NRG1: variants seen among roughly 807,000 people sequenced by gnomAD.
NRG1 encodes the protein neuregulin 1.
A neutral mutation model predicts 63.8 loss-of-function variants in NRG1; 18 were observed. That is an observed-to-expected ratio of 0.28 (90% confidence interval 0.19 to 0.42). NRG1 has a LOEUF of 0.42. Ranked by LOEUF, NRG1 falls within the 10% of genes least tolerant of loss-of-function variation. NRG1 has a pLI of 1.00. For missense variants in NRG1, 762 were observed against 814.7 expected (o/e 0.94, Z 0.79); for synonymous variants, 302 against 301.3 (o/e 1.00, Z -0.02).
At chr8:32,486,352 C>T (rs1334811636) in intron 1 of NRG1, among the ~76,000 whole-genome samples, 1 of 152,188 alleles carries the variant, frequency 6.6e-6, no homozygotes, top group African/African-American at 2.4e-5. Flanking sequence ...AAGTGTCCCT[C>T]ATAGCACAAA....
chr8:32,469,850 A>G (rs1387236506), intron 1 of NRG1, among the ~76,000 whole-genome samples: 1 of 152,000 alleles, frequency 6.6e-6, no homozygotes, highest in African/African-American at 2.4e-5. Context: ...GGTGTGGGAA[A>G]AGGACTTTTT....
chr8:31,714,885 G>T (rs1164936316), intron 1 of NRG1, among the ~76,000 whole-genome samples: 2 of 152,100 alleles, frequency 1.3e-5, no homozygotes, highest in Non-Finnish European at 2.9e-5. Flanking sequence ...GTTCTACCAT[G>T]AATAGGCTAA....
chr8:32,633,506 C>G (rs997781974), intron 5 of NRG1, among the ~76,000 whole-genome samples: 20 of 152,138 alleles, frequency 1.3e-4, no homozygotes, highest in African/African-American at 4.6e-4. Flanking sequence ...TAACTGGATC[C>G]GGAGTGAAGG....
At chr8:32,339,373 T>C (rs1186644125) in intron 1 of NRG1, among the ~76,000 whole-genome samples, 2 of 152,168 alleles carry the variant, frequency 1.3e-5, no homozygotes, top group Non-Finnish European at 2.9e-5. Context: ...GAAGTAGAGT[T>C]AATAACTAAC....
chr8:31,716,421 C>T (rs561938636), intron 1 of NRG1, among the ~76,000 whole-genome samples: 1 of 152,308 alleles, frequency 6.6e-6, no homozygotes, highest in South Asian at 2.1e-4. Context: ...TTCAGAAGCG[C>T]ATCTTTGTGT....
intron 1 of NRG1, among the ~76,000 whole-genome samples, chr8:31,742,715 T>G (rs1158173001): frequency 6.6e-6 from 1 of 151,898 alleles, no homozygotes; most frequent in South Asian, 2.1e-4. Flanking sequence ...TAGCAGCTCA[T>G]TTTCAAAAGG....
chr8:32,010,970 T>A (rs1194154625), intron 1 of NRG1, among the ~76,000 whole-genome samples: 1 of 152,046 alleles, frequency 6.6e-6, no homozygotes, highest in Admixed American at 6.6e-5. Context: ...TCAATTAGAT[T>A]TTTTAGGTGT....
intron 1 of NRG1, among the ~76,000 whole-genome samples, chr8:32,506,255 A>G (rs1013119256): frequency 5.3e-5 from 8 of 152,124 alleles, no homozygotes; most frequent in African/African-American, 1.7e-4. Flanking sequence ...AAAAGAAAGA[A>G]AGAAAAAACA....
chr8:32,284,277 T>C (rs1188189453), intron 1 of NRG1, among the ~76,000 whole-genome samples: 1 of 151,866 alleles, frequency 6.6e-6, no homozygotes, highest in Non-Finnish European at 1.5e-5. Flanking sequence ...TGAGTAGAAA[T>C]CTCCTACCCT....
intron 1 of NRG1, among the ~76,000 whole-genome samples, chr8:32,019,001 A>G (rs1321720779): frequency 6.6e-6 from 1 of 152,252 alleles, no homozygotes. Flanking sequence ...GGACATTTTC[A>G]TAGGCCTCAA....
chr8:32,649,520 G>A (rs1009515723), intron 5 of NRG1, among the ~76,000 whole-genome samples: 5 of 152,194 alleles, frequency 3.3e-5, no homozygotes, highest in African/African-American at 7.2e-5. Context: ...GGTTAAAAGA[G>A]AGTTGACAAT....
intron 1 of NRG1, among the ~76,000 whole-genome samples, chr8:32,357,315 T>G (rs1476766464): frequency 1.3e-5 from 2 of 152,174 alleles, no homozygotes; most frequent in Non-Finnish European, 2.9e-5. Flanking sequence ...AGTCCCCAAC[T>G]GTTAGCACAA....
chr8:32,257,668 T>C lies in NRG1; in HGVS notation c.38-338160T>C, dbSNP rs1457398910. 3.3e-5 allele frequency among the ~76,000 whole-genome samples: 5 copies of C among 152,142 alleles called. No individual in the cohort carries two copies. The South Asian group carries it at 1.0e-3, about 32-fold the overall frequency. ...GAAAGGCTAGAATACACTAGATAACTCTTGATTTCCACTCCTACCCTGCCA... is the reference window on the plus strand; with the variant it reads ...GAAAGGCTAGAATACACTAGATAACCCTTGATTTCCACTCCTACCCTGCCA... On this transcript the variant is annotated intron_variant, in intron 1 of 10. Transcript: ENST00000519301.
chr8:31,689,502 C>G (rs1809266969), intron 1 of NRG1, among the ~76,000 whole-genome samples: 1 of 151,980 alleles, frequency 6.6e-6, no homozygotes, highest in Non-Finnish European at 1.5e-5. Flanking sequence ...GTGTAAAGCC[C>G]CCTTGTTTGG....
intron 1 of NRG1, among the ~76,000 whole-genome samples, chr8:32,585,451 G>A (rs73586694): frequency 0.017 from 2,630 of 152,242 alleles, 52 homozygotes; most frequent in South Asian, 0.11. Context: ...GCTGCTGGCC[G>A]CGGCGCAGTG....
intron 1 of NRG1, among the ~76,000 whole-genome samples, chr8:31,860,673 T>C (rs1828390086): frequency 6.6e-6 from 1 of 152,180 alleles, no homozygotes; most frequent in African/African-American, 2.4e-5. Flanking sequence ...GAATAAACAA[T>C]GATTATTTGG....
At chr8:32,174,833 A>G (rs1410065681) in intron 1 of NRG1, among the ~76,000 whole-genome samples, 1 of 152,180 alleles carries the variant, frequency 6.6e-6, no homozygotes, top group African/African-American at 2.4e-5. Context: ...AATTGAGGCA[A>G]TAATTAATAG....
chr8:32,463,874 C>CTTTTTTTTTTTTTTTTTTTTTTTTTT (rs756489856), intron 1 of NRG1, among the ~76,000 whole-genome samples: 1 of 42,338 alleles, frequency 2.4e-5, no homozygotes, highest in Non-Finnish European at 4.2e-5. Flanking sequence ...ACTTAGAATT[C>CTTTTTTTTTTTTTTTTTTTTTTTTTT]TTTTTTTTTT....
intron 1 of NRG1, among the ~76,000 whole-genome samples, chr8:32,369,862 A>G (rs1808579700): frequency 6.6e-6 from 1 of 152,150 alleles, no homozygotes; most frequent in East Asian, 1.9e-4. Context: ...GAACTTTTCC[A>G]TGTTTTAAAA....
Sources: gnomAD v4.1 joint callset for allele counts (sites outside exome capture counted in the v4.1 genomes callset) on GRCh38, gnomAD v4.1.1 for gene constraint, MANE v1.5 for transcripts, NCBI Gene and HGNC (gene_info 2026-07-23, HGNC 2026-07-21) for gene names.